The following UGT3A1 variants were observed in gnomAD, a reference collection of about 807,000 sequenced individuals.
UGT3A1 encodes the protein UDP glycosyltransferase family 3 member A1, also known as UDP-glycosyltransferase 3A1.
A neutral mutation model predicts 37.6 loss-of-function variants in UGT3A1; 40 were observed. The ratio of observed to expected loss-of-function variants is 1.06; its 90% confidence interval spans 0.83 to 1.38. The LOEUF is 1.38. UGT3A1 is among the 40% of genes most tolerant of loss of function. The pLI is 0.00. For missense variants in UGT3A1, 642 were observed against 634.2 expected (o/e 1.01, Z -0.13); for synonymous variants, 256 against 232.3 (o/e 1.10, Z -0.93).
intron 4 of UGT3A1, among the ~76,000 whole-genome samples, chr5:35,958,056 T>C (rs577358135): frequency 7.2e-4 from 110 of 152,324 alleles, no homozygotes; most frequent in African/African-American, 2.6e-3. Flanking sequence ...CTCTGTTGTT[T>C]GGTGCATATA....
intron 2 of UGT3A1, among the ~76,000 whole-genome samples, chr5:35,987,769 C>T (rs946118408): frequency 6.6e-6 from 1 of 152,128 alleles, no homozygotes; most frequent in Non-Finnish European, 1.5e-5. Context: ...AGCCTGAAGA[C>T]CCAGATTCGC....
intron 5 of UGT3A1, among the ~76,000 whole-genome samples, chr5:35,956,289 C>T (rs1031002904): frequency 2.0e-5 from 3 of 152,296 alleles, no homozygotes; most frequent in Admixed American, 6.5e-5. Context: ...CTTCTACTTC[C>T]GTATTTCTAG....
chr5:35,982,058 C>T (rs946595838), intron 2 of UGT3A1, among the ~76,000 whole-genome samples: 1 of 152,244 alleles, frequency 6.6e-6, no homozygotes, highest in Non-Finnish European at 1.5e-5. Context: ...TACACATGTG[C>T]AGAAGGCAAG....
At chr5:35,974,739 T>C (rs940250225) in intron 2 of UGT3A1, among the ~76,000 whole-genome samples, 17 of 152,214 alleles carry the variant, frequency 1.1e-4, no homozygotes, top group African/African-American at 3.9e-4. Flanking sequence ...TTGACACCCG[T>C]TAGTCAAGTC....
intron 2 of UGT3A1, among the ~76,000 whole-genome samples, chr5:35,983,441 A>G (rs994080898): frequency 1.3e-5 from 2 of 152,178 alleles, no homozygotes; most frequent in African/African-American, 4.8e-5. Flanking sequence ...CCAAAACCTG[A>G]TGAATTCACT....
At chr5:35,956,230 T>C (rs1739351861) in intron 5 of UGT3A1, among the ~76,000 whole-genome samples, 2 of 152,256 alleles carry the variant, frequency 1.3e-5, no homozygotes, top group South Asian at 4.1e-4. Context: ...TATGTGCTGT[T>C]TTCTCCATTT....
At chr5:35,988,683 T>G (rs896151975) in intron 1 of UGT3A1, 132 bp from the exon 2 acceptor site, 2 of 666,040 alleles carry the variant, frequency 3.0e-6, no homozygotes, top group Admixed American at 2.9e-5. Context: ...AGTGAGAAGA[T>G]GGAGATAAGC....
chr5:35,989,404 A>G (rs1267134881), intron 1 of UGT3A1, among the ~76,000 whole-genome samples: 1 of 152,234 alleles, frequency 6.6e-6, no homozygotes, highest in Non-Finnish European at 1.5e-5. Flanking sequence ...GCAGAAAAAG[A>G]AAGATCAGAA....
chr5:35,986,633 G>A lies in UGT3A1; in HGVS notation c.196+1817C>T, dbSNP rs571479333. Among the ~76,000 whole-genome samples the A allele has an allele frequency of 8.5e-5, 13 of 152,216 alleles. No homozygotes were observed. In the East Asian group the frequency reaches 2.3e-3, roughly 27 times the overall value. On this transcript the variant is annotated intron_variant, in intron 2 of 6. Coordinates refer to ENST00000274278, the MANE Select transcript of UGT3A1 (RefSeq NM_152404.4). ...AGTAGCTTACAAAAGAGGATCTTAT[G>A]AAAGTAGAGAGTAGATTGGTGATTA...
At chr5:35,977,364 T>C (rs1740330991) in intron 2 of UGT3A1, among the ~76,000 whole-genome samples, 3 of 152,242 alleles carry the variant, frequency 2.0e-5, no homozygotes, top group South Asian at 4.1e-4. Context: ...ATAATTGATA[T>C]TCTTTGGATG....
At chr5:35,954,580 A>G in intron 6 of UGT3A1, 102 bp from the exon 7 acceptor site, 11 of 1,407,928 alleles carry the variant, frequency 7.8e-6, no homozygotes, top group Non-Finnish European at 1.1e-5. Flanking sequence ...ACACTTTTCT[A>G]ACACATGCAC....
At position 35,955,101 on chromosome 5, in the gene UGT3A1, T is replaced by C. The variant is rs547478822; in HGVS notation, c.1295+544A>G. The C allele has an allele frequency of 3.1e-4, 50 of 163,048 alleles. 1 individual carries two copies. The highest frequency in any genetic ancestry group is 8.6e-4 in the African/African-American group (36 of 41,742). 10.1% of individuals were successfully genotyped at this position (163,048 alleles called of 1,614,324 possible). On this transcript the variant is annotated intron_variant, in intron 6 of 6. Coordinates refer to ENST00000274278, the MANE Select transcript of UGT3A1 (RefSeq NM_152404.4). ...ATAAAAACATAAATAAATGGAGTCA[T>C]TACAAATCTTGAAAAGTGTTAGGAA... is the stretch of plus-strand genomic sequence containing the variant.
intron 2 of UGT3A1, among the ~76,000 whole-genome samples, chr5:35,972,684 G>T (rs1740094261): frequency 6.6e-6 from 1 of 152,052 alleles, no homozygotes; most frequent in African/African-American, 2.4e-5. Flanking sequence ...GTGGCATTAG[G>T]TGGCAATCAT....
intron 6 of UGT3A1, 120 bp from the exon 7 acceptor site, chr5:35,954,598 G>A (rs1739284002): frequency 1.5e-6 from 2 of 1,292,668 alleles, no homozygotes; most frequent in African/African-American, 3.0e-5. Flanking sequence ...CACCAAGGCT[G>A]GGCTGCAAAG....
At chr5:35,972,416 C>A (rs1488982604) in intron 2 of UGT3A1, among the ~76,000 whole-genome samples, 1 of 151,928 alleles carries the variant, frequency 6.6e-6, no homozygotes, top group Non-Finnish European at 1.5e-5. Flanking sequence ...TTGCTTGAGA[C>A]TTTCCAGCTT....
intron 4 of UGT3A1, among the ~76,000 whole-genome samples, chr5:35,960,364 G>A (rs1165564738): frequency 5.3e-5 from 8 of 152,150 alleles, no homozygotes; most frequent in Admixed American, 5.2e-4. Context: ...GACTGAGCCC[G>A]GAAATAGACT....
At chr5:35,991,023 C>A in intron 1 of UGT3A1, 124 bp downstream of exon 1, 1 of 1,601,628 alleles carries the variant, frequency 6.2e-7, no homozygotes, top group Non-Finnish European at 8.5e-7. Context: ...CTCCTCCAGC[C>A]AGGTCCGCAA....
At chr5:35,983,705 C>T (rs916483650) in intron 2 of UGT3A1, among the ~76,000 whole-genome samples, 1 of 152,152 alleles carries the variant, frequency 6.6e-6, no homozygotes, top group Non-Finnish European at 1.5e-5. Flanking sequence ...TCACCATGAT[C>T]AAGTGGGATT....
At chr5:35,969,253 C>T (rs1739939108) in intron 2 of UGT3A1, among the ~76,000 whole-genome samples, 1 of 152,166 alleles carries the variant, frequency 6.6e-6, no homozygotes, top group African/African-American at 2.4e-5. Context: ...AATGCCTTTG[C>T]TACTATTGCT....
Sources: allele counts gnomAD v4.1 joint callset (sites outside exome capture counted in the v4.1 genomes callset), GRCh38; gene constraint gnomAD v4.1.1; transcripts MANE v1.5; gene names NCBI Gene and HGNC (gene_info 2026-07-23, HGNC 2026-07-21).